Variants in SLC25A29 observed in about 807,000 individuals in gnomAD.
The protein encoded by SLC25A29 is solute carrier family 25 member 29, also known as mitochondrial basic amino acids transporter.
Under a neutral mutation model 10.0 loss-of-function variants are expected in SLC25A29, and 13 were observed. That is an observed-to-expected ratio of 1.30 (90% CI 0.85 to 2.07). The LOEUF (loss-of-function observed/expected upper bound fraction) is 2.07. SLC25A29 is among the 30% of genes most tolerant of loss of function. SLC25A29 has a pLI of 0.00. For missense variants in SLC25A29, 475 were observed against 447.6 expected (o/e 1.06, Z -0.55); for synonymous variants, 244 against 221.1 (o/e 1.10, Z -0.92).
Position 100,292,418 on chromosome 14 carries a change from G to T in SLC25A29, c.777C>A (p.Phe259Leu). The T allele has an allele frequency of 6.3e-7, 1 of 1,577,776 alleles. No individual in the cohort carries two copies. The change falls in exon 4 of 4, where the codon TTC (phenylalanine) becomes TTA (leucine). Residue 259 changes from phenylalanine (F) to leucine (L), a missense_variant. Phe to Leu is a conservative substitution (Grantham distance 22). Coordinates refer to ENST00000359232, the MANE Select transcript of SLC25A29 (RefSeq NM_001039355.3). ...TGGCGAAGGTGGCAGCGTTGACGGGGAAGGCGCGCAGCAGCGTGGACGCCA... is the reference window on the plus strand; with the variant it reads ...TGGCGAAGGTGGCAGCGTTGACGGGTAAGGCGCGCAGCAGCGTGGACGCCA... ...RGLASTLLRA[F>L]PVNAATFATV... is the part of the protein sequence containing the mutation.
chr14:100,293,573 G>C lies in SLC25A29; in HGVS notation c.79-196C>G. 5.1e-6 allele frequency: 3 copies of C among 593,502 alleles called. No homozygotes were observed. In the South Asian group the frequency reaches 5.9e-5, roughly 12 times the overall value. The allele number at this position is 593,502 out of a possible 1,614,324, so 36.8% of individuals were successfully genotyped here. The stretch of plus-strand genomic sequence containing the variant: ...AGGATGGGGTGCCAGTAGGCAAACA[G>C]CTAAAGGGACAGGCTGCTGGAGACA... On this transcript the variant is annotated intron_variant, in intron 2 of 3. Coordinates refer to ENST00000359232, the MANE Select transcript of SLC25A29 (RefSeq NM_001039355.3).
downstream of SLC25A29, among the ~76,000 whole-genome samples, chr14:100,290,496 C>T (rs969359738): frequency 6.6e-6 from 1 of 152,250 alleles, no homozygotes; most frequent in African/African-American, 2.4e-5. Flanking sequence ...GGCCCCTCCC[C>T]GACTCCCCCT....
At chr14:100,300,122 T>A (rs1260654790) in intron 1 of SLC25A29, 1 of 232,078 alleles carries the variant, frequency 4.3e-6, no homozygotes, top group African/African-American at 2.3e-5. Context: ...AATACAAAAA[T>A]TAGCCAGGTG....
chr14:100,292,118 C>T lies in SLC25A29; in HGVS notation c.*165G>A. 1 of 816,738 alleles carries T rather than the reference C, an allele frequency of 1.2e-6. No homozygotes were observed. The highest frequency in any genetic ancestry group is 2.0e-6 in the Non-Finnish European group (1 of 504,268). The allele number at this position is 816,738 out of a possible 1,614,324, so 50.6% of individuals were successfully genotyped here. On this transcript the variant is annotated 3_prime_UTR_variant, in exon 4 of 4. Transcript: ENST00000359232. ...ATAGATGAGAACACTGAGGCAAGTGCAGTTCTCGGCCAAAACTACCCAGCT... is the reference window on the plus strand; with the variant it reads ...ATAGATGAGAACACTGAGGCAAGTGTAGTTCTCGGCCAAAACTACCCAGCT...
intron 2 of SLC25A29, 68 bp from the exon 3 acceptor site, chr14:100,293,445 C>T: frequency 1.4e-6 from 2 of 1,460,534 alleles, no homozygotes; most frequent in Non-Finnish European, 9.5e-7. Context: ...GGGTCTGGTG[C>T]TTAGGCTGCC....
downstream of SLC25A29, among the ~76,000 whole-genome samples, chr14:100,288,515 CATGTGACCCGCCCTGGTGGCCCTCTTGAA>C (rs1891591012): frequency 6.6e-6 from 1 of 152,006 alleles, no homozygotes; most frequent in Non-Finnish European, 1.5e-5. Context: ...AAGGCACTGC[CATGTGACCCGCCCTGGTGGCCCTCTTGAA>C]CGTCTGGCCC....
chr14:100,292,355 C>G lies in SLC25A29; in HGVS notation c.840G>C (p.Glu280Asp), dbSNP rs563066582. 62 of 1,502,002 alleles carry G rather than the reference C, an allele frequency of 4.1e-5. No individual in the cohort carries two copies. The East Asian group carries it at 1.4e-3, about 34-fold the overall frequency. The allele number at this position is 1,502,002 out of a possible 1,614,324, so 93.0% of individuals were successfully genotyped here. ...GCACAGCCTCGCCCTCGGGCCCGGC[C>G]TCCTCGCCGCGCGCGTAGGTGAGCA... ...TVVLTYARGE[E>D]AGPEGEAVPA... The change falls in exon 4 of 4, where the codon GAG (glutamate) becomes GAC (aspartate). Residue 280 changes from glutamate to aspartate, a missense_variant. Glu to Asp is a conservative substitution (Grantham distance 45). Transcript: ENST00000359232.
At chr14:100,304,380 G>A (rs1401461832) in intron 1 of SLC25A29, among the ~76,000 whole-genome samples, 1 of 152,216 alleles carries the variant, frequency 6.6e-6, no homozygotes, top group East Asian at 1.9e-4. Context: ...CTGGCCATCA[G>A]AGGAGCATGT....
chr14:100,296,175 G>C (rs1385799844), intron 2 of SLC25A29: 1 of 511,804 alleles, frequency 2.0e-6, no homozygotes, highest in Non-Finnish European at 3.1e-6. Context: ...TGTCATCCCA[G>C]CACTTTGGGA....
rs760193354 is a variant in SLC25A29 at position 100,292,615 on chromosome 14, A to C, written c.580T>G (p.Leu194Val). The change falls in exon 4 of 4, where the codon TTG (leucine) becomes GTG (valine). Residue 194 changes from leucine to valine, a missense_variant. By Grantham distance (32) the Leu-to-Val change is conservative. Coordinates refer to ENST00000359232, the MANE Select transcript of SLC25A29 (RefSeq NM_001039355.3). ...GDRLLVPKLL[L>V]AGGTSGIVSW... ...ACGATGCCTGACGTACCGCCCGCCA[A>C]CAGCAGCTTGGGCACCAGCAGGCGG... 2.5e-6 allele frequency: 4 copies of C among 1,606,336 alleles called. No individual in the cohort carries two copies. Among genetic ancestry groups the C allele is most frequent in the Non-Finnish European group, 3.4e-6 (4 of 1,177,336 alleles).
chr14:100,295,426 A>AC lies in SLC25A29; in HGVS notation c.79-2050dup, dbSNP rs1171499089. The AC allele has an allele frequency of 2.5e-5, 10 of 397,786 alleles. No individual in the cohort carries two copies. The East Asian group carries it at 5.5e-4, about 22-fold the overall frequency. 24.6% of individuals were successfully genotyped at this position (397,786 alleles called of 1,614,324 possible). A position where few individuals can be genotyped will look rare whatever the true frequency, so the allele number is the denominator to read the frequency against. ...TCCCAGCTCCCCATAGGGCCGAGAG[A>AC]CCCCCACATGAGGACCCCCAATCCA... On this transcript the variant is annotated intron_variant, in intron 2 of 3. Coordinates refer to ENST00000359232, the MANE Select transcript of SLC25A29 (RefSeq NM_001039355.3).
intron 1 of SLC25A29, among the ~76,000 whole-genome samples, chr14:100,302,345 C>A (rs1892617812): frequency 1.3e-5 from 2 of 151,474 alleles, no homozygotes. Context: ...CAAGCTCGGC[C>A]CAAAATCTAT....
chr14:100,287,930 G>A (rs898727220), downstream of SLC25A29, among the ~76,000 whole-genome samples: 1 of 152,154 alleles, frequency 6.6e-6, no homozygotes, highest in Non-Finnish European at 1.5e-5. Flanking sequence ...GCTCACGGCC[G>A]TGGTCTCTCC....
At position 100,293,014 on chromosome 14, in the gene SLC25A29, C is replaced by A; in HGVS notation, c.181G>T (p.Gly61Cys). Residue 61 changes from glycine (G) to cysteine (C), a missense_variant, in exon 4 of 4, where the codon GGC (glycine) becomes TGC (cysteine). Physicochemically the swap from Gly to Cys is radical, Grantham distance 159 (BLOSUM62 -3). Transcript: ENST00000359232. ...AGCCCCATGAGCGGCGAGCCCAGGC[C>A]CTTGTACAGGCCCAGCACCTGCGGG... ...KQESVLGLYK[G>C]LGSPLMGLTF... is the part of the protein sequence containing the mutation. The A allele has an allele frequency of 6.4e-7, 1 of 1,566,716 alleles. No individual in the cohort carries two copies.
chr14:100,285,431 T>A, the SLC25A29 span, among the ~76,000 whole-genome samples: 3 of 151,372 alleles, frequency 2.0e-5, no homozygotes, highest in African/African-American at 7.3e-5. Context: ...GAGGGCACTG[T>A]GCCAGCGGGC....
chr14:100,284,776 A>C, the SLC25A29 span, among the ~76,000 whole-genome samples: 1 of 152,334 alleles, frequency 6.6e-6, no homozygotes. Flanking sequence ...GCGGTGGCTC[A>C]TGCCTGTAAT....
At chr14:100,290,775 C>T (rs2139648268), downstream of SLC25A29, among the ~76,000 whole-genome samples, 1 of 152,348 alleles carries the variant, frequency 6.6e-6, no homozygotes, top group Middle Eastern at 3.4e-3. Flanking sequence ...CTCAGACCTC[C>T]CCTCTTCCAG....
At chr14:100,300,321 T>G (rs895079100) in intron 1 of SLC25A29, among the ~76,000 whole-genome samples, 11 of 152,192 alleles carry the variant, frequency 7.2e-5, no homozygotes, top group Non-Finnish European at 1.3e-4. Flanking sequence ...CACTTTAACT[T>G]TGCCAGTTCT....
the SLC25A29 span, among the ~76,000 whole-genome samples, chr14:100,285,978 G>A: frequency 1.3e-5 from 2 of 152,086 alleles, no homozygotes; most frequent in Non-Finnish European, 2.9e-5. Flanking sequence ...CTCTCCCCAC[G>A]GAGAGCTCCA....
Sources: allele counts gnomAD v4.1 joint callset (sites outside exome capture counted in the v4.1 genomes callset), GRCh38; gene constraint gnomAD v4.1.1; transcripts MANE v1.5; gene names NCBI Gene and HGNC (gene_info 2026-07-23, HGNC 2026-07-21).